Variants in CASK observed in about 807,000 individuals in gnomAD.
The protein encoded by CASK is calcium/calmodulin dependent serine protein kinase, also known as peripheral plasma membrane protein CASK.
In CASK, 4 loss-of-function variants were observed where a neutral mutation model predicts 82.9. The observed-to-expected ratio is 0.05, with a 90% CI of 0.02 to 0.11. The LOEUF (loss-of-function observed/expected upper bound fraction) is 0.11, where lower values mean the gene tolerates loss of function less well. Among genes scored for constraint, CASK ranks in the 10% least tolerant of loss-of-function variants. CASK has a pLI of 1.00. For synonymous variants in CASK, 259 were observed against 253.5 expected (o/e 1.02, Z -0.20); for missense variants, 358 against 720.9 (o/e 0.50, Z 5.76).
At chrX:41,628,156 C>T (rs1181339128) in intron 9 of CASK, among the ~76,000 whole-genome samples, 2 of 112,462 alleles carry the variant, frequency 1.8e-5, no homozygotes, top group African/African-American at 6.5e-5. Context: ...AACATGAGCA[C>T]AGCCTTTTGC....
intron 3 of CASK, among the ~76,000 whole-genome samples, chrX:41,760,810 G>A (rs2068986392): frequency 9.0e-6 from 1 of 111,322 alleles, no homozygotes. Flanking sequence ...TACCTTATGT[G>A]CAATTCTTTA....
At chrX:41,625,182 ATTTTTT>A (rs1300997872) in intron 10 of CASK, among the ~76,000 whole-genome samples, 2 of 94,918 alleles carry the variant, frequency 2.1e-5, no homozygotes, top group African/African-American at 7.8e-5. Flanking sequence ...TTATCTCTTA[ATTTTTT>A]TTTTTTTTTT....
chrX:41,740,470 TAAA>T (rs569748329), intron 4 of CASK, among the ~76,000 whole-genome samples: 2 of 94,169 alleles, frequency 2.1e-5, no homozygotes. Context: ...GACTCAGGAC[TAAA>T]AAAAAAAAAA....
intron 3 of CASK, among the ~76,000 whole-genome samples, chrX:41,757,071 A>T (rs2068908864): frequency 8.9e-6 from 1 of 112,204 alleles, no homozygotes; most frequent in African/African-American, 3.2e-5. Flanking sequence ...TAAAATACAG[A>T]GCCTATGTCC....
chrX:41,526,162 T>C (rs1204124537), intron 25 of CASK, among the ~76,000 whole-genome samples: 2 of 111,693 alleles, frequency 1.8e-5, no homozygotes, highest in East Asian at 5.6e-4. Flanking sequence ...AGGCCTTTTT[T>C]CCTTCCTTCC....
At chrX:41,675,969 CAG>C in intron 5 of CASK, 1 of 1,208,246 alleles carries the variant, frequency 8.3e-7, no homozygotes, top group Admixed American at 2.2e-5. Flanking sequence ...TAATAGAACA[CAG>C]AGAAGTTAAG....
chrX:41,588,756 A>C (rs1403204927), intron 13 of CASK, among the ~76,000 whole-genome samples: 3 of 110,202 alleles, frequency 2.7e-5, no homozygotes, highest in Non-Finnish European at 5.7e-5. Flanking sequence ...AAAAAAAAAA[A>C]CCCATGTGTC....
intron 16 of CASK, chrX:41,562,317 T>TAC (rs2065240441): frequency 8.9e-6 from 1 of 112,698 alleles, no homozygotes; most frequent in African/African-American, 3.2e-5. Flanking sequence ...AACCAATGCT[T>TAC]AGAGTGTTAT....
At chrX:41,842,079 T>C (rs748337259) in intron 2 of CASK, among the ~76,000 whole-genome samples, 187 of 111,845 alleles carry the variant, frequency 1.7e-3, no homozygotes, top group Non-Finnish European at 3.0e-3. Context: ...CTTCAAACTT[T>C]TGCATGTCAG....
intron 1 of CASK, among the ~76,000 whole-genome samples, chrX:41,897,362 T>C (rs1288583961): frequency 8.9e-6 from 1 of 112,062 alleles, no homozygotes; most frequent in African/African-American, 3.2e-5. Context: ...ATTGAGATGA[T>C]CATATGGTTT....
chrX:41,569,063 C>T (rs1025725438), intron 16 of CASK, among the ~76,000 whole-genome samples: 6 of 112,141 alleles, frequency 5.4e-5, no homozygotes, highest in Admixed American at 9.5e-5. Context: ...AATGACTGCA[C>T]TCACCATGGC....
At chrX:41,910,046 AC>A (rs1485447668) in intron 1 of CASK, among the ~76,000 whole-genome samples, 1 of 111,180 alleles carries the variant, frequency 9.0e-6, no homozygotes, top group Non-Finnish European at 1.9e-5. Flanking sequence ...ACATGGCAAA[AC>A]CCTGTCTCTA....
chrX:41,774,218 A>G (rs989120835), intron 3 of CASK, among the ~76,000 whole-genome samples: 3 of 110,706 alleles, frequency 2.7e-5, no homozygotes, highest in Non-Finnish European at 5.7e-5. Flanking sequence ...AAATCTCCTT[A>G]AGCTGATAAG....
intron 5 of CASK, chrX:41,696,105 C>T (rs746916394): frequency 3.3e-6 from 4 of 1,201,555 alleles, no homozygotes; most frequent in Admixed American, 4.4e-5. Context: ...AAAAATTAAT[C>T]GGTCTATACA....
At chrX:41,736,850 A>T (rs1398835541) in intron 5 of CASK, among the ~76,000 whole-genome samples, 8 of 110,843 alleles carry the variant, frequency 7.2e-5, no homozygotes, top group Non-Finnish European at 1.5e-4. Context: ...CTCCAATGTG[A>T]CCTCCCCCAG....
intron 1 of CASK, among the ~76,000 whole-genome samples, chrX:41,919,653 C>A (rs1193732904): frequency 8.9e-6 from 1 of 111,882 alleles, no homozygotes; most frequent in African/African-American, 3.3e-5. Flanking sequence ...AGTTTTGGGA[C>A]TATGATAAGG....
At chrX:41,842,298 G>A (rs753908616) in intron 2 of CASK, among the ~76,000 whole-genome samples, 3 of 111,307 alleles carry the variant, frequency 2.7e-5, no homozygotes, top group South Asian at 3.8e-4. Context: ...TGGGCCAGGC[G>A]CAGTGGCTCA....
chrX:41,535,551 T>C (rs1477698592), intron 22 of CASK, among the ~76,000 whole-genome samples: 2 of 109,822 alleles, frequency 1.8e-5, no homozygotes, highest in African/African-American at 6.6e-5. Context: ...TGCACAAGCT[T>C]ATCAATGAGC....
chrX:41,721,585 G>A (rs1287768958), intron 5 of CASK, among the ~76,000 whole-genome samples: 1 of 111,854 alleles, frequency 8.9e-6, no homozygotes, highest in Non-Finnish European at 1.9e-5. Flanking sequence ...CCTATTGTGA[G>A]TACCATAAGG....
Sources: allele counts gnomAD v4.1 joint callset (sites outside exome capture counted in the v4.1 genomes callset), GRCh38; gene constraint gnomAD v4.1.1; transcripts MANE v1.5; gene names NCBI Gene and HGNC (gene_info 2026-07-23, HGNC 2026-07-21).